The following DGKH variants were observed in gnomAD, a reference collection of about 807,000 sequenced individuals.
DGKH encodes DAG kinase eta.
Under a neutral mutation model 159.3 loss-of-function variants are expected in DGKH, and 90 were observed. The observed-to-expected ratio is 0.57, with a 90% CI of 0.48 to 0.67. DGKH has a LOEUF of 0.67. Among genes scored for constraint, DGKH ranks in the 30% least tolerant of loss-of-function variants. The pLI is 0.00. For synonymous variants in DGKH, 536 were observed against 553.8 expected (o/e 0.97, Z 0.45); for missense variants, 1,181 against 1,506.1 (o/e 0.78, Z 3.57).
chr13:42,164,447 AATT>A (rs1388216913), intron 7 of DGKH, among the ~76,000 whole-genome samples: 1 of 152,198 alleles, frequency 6.6e-6, no homozygotes, highest in African/African-American at 2.4e-5. Flanking sequence ...CCAGAATTAG[AATT>A]ATTATTGAAT....
chr13:42,237,625 C>G lies in DGKH; in HGVS notation c.*8437C>G, dbSNP rs1205958480. 6.6e-6 allele frequency: 1 copy of G among 152,170 alleles called. No individual in the cohort carries two copies. The highest frequency in any genetic ancestry group is 1.5e-5 in the Non-Finnish European group (1 of 68,032). 9.4% of individuals were successfully genotyped at this position (152,170 alleles called of 1,614,324 possible). A position where few individuals can be genotyped will look rare whatever the true frequency, so the allele number is the denominator to read the frequency against. ...GTCCGAGACTGTATCTAGATCTTAG[C>G]ATAACTAGTGAATTCAGGGAGCACA... On this transcript the variant is annotated 3_prime_UTR_variant, in exon 30 of 30. Transcript: ENST00000337343.
At chr13:42,253,134 C>G (rs1449830264) in intron 30 of DGKH, among the ~76,000 whole-genome samples, 1 of 152,138 alleles carries the variant, frequency 6.6e-6, no homozygotes, top group Non-Finnish European at 1.5e-5. Context: ...TCTGGTTCAC[C>G]TTTATGCTGA....
downstream of DGKH, among the ~76,000 whole-genome samples, chr13:42,247,621 G>A (rs1958591909): frequency 6.6e-6 from 1 of 152,176 alleles, no homozygotes; most frequent in African/African-American, 2.4e-5. Flanking sequence ...GTTCCTTCAG[G>A]AGGCATTGTT....
At position 42,048,675 on chromosome 13, in the gene DGKH, G is replaced by C. The variant is rs1224636450; in HGVS notation, c.-99G>C. The stretch of plus-strand genomic sequence containing the variant: ...GAAACGGAAGATGGCGGCGGCGGCC[G>C]GGCACGGGGTTCCGGGCTCCGCTCG... On this transcript the variant is annotated 5_prime_UTR_variant, in exon 1 of 30. Transcript: ENST00000337343. This position sits in a 1 kb window ranked among gnomAD's most constrained non-coding sequence, Gnocchi z 6.7. 1 of 1,207,656 alleles carries C rather than the reference G, an allele frequency of 8.3e-7. No individual in the cohort carries two copies. The highest frequency in any genetic ancestry group is 1.6e-5 in the African/African-American group (1 of 63,372). The allele number at this position is 1,207,656 out of a possible 1,614,324, so 74.8% of individuals were successfully genotyped here.
At chr13:42,072,251 A>G (rs1883023683) in intron 1 of DGKH, among the ~76,000 whole-genome samples, 1 of 152,190 alleles carries the variant, frequency 6.6e-6, no homozygotes, top group Admixed American at 6.5e-5. Context: ...GTTTTGAGAA[A>G]GGCCTGGTCT....
chr13:42,179,396 G>A (rs1378093633), intron 13 of DGKH, among the ~76,000 whole-genome samples: 3 of 152,196 alleles, frequency 2.0e-5, no homozygotes. Context: ...AATTTTTCTT[G>A]TAAAGGAGAA....
rs956662591 is a variant in DGKH at position 42,183,591 on chromosome 13, C to T, written c.1539-3458C>T. Among the ~76,000 whole-genome samples, 4 of 152,156 alleles carry T rather than the reference C, an allele frequency of 2.6e-5. No homozygotes were observed. The South Asian group carries it at 8.3e-4, about 31-fold the overall frequency. On this transcript the variant is annotated intron_variant, in intron 13 of 29. Transcript: ENST00000337343. Reference sequence around the variant, plus strand: ...TTCATGCAATAATAATTCCCAGTAGCCTTAACTGTTTTCAGCTATTTTTAA... The same window carrying T: ...TTCATGCAATAATAATTCCCAGTAGTCTTAACTGTTTTCAGCTATTTTTAA...
chr13:42,205,069 GAATT>G (rs1957430978), intron 20 of DGKH, among the ~76,000 whole-genome samples: 1 of 152,094 alleles, frequency 6.6e-6, no homozygotes, highest in African/African-American at 2.4e-5. Flanking sequence ...TTTAATATAA[GAATT>G]ATTTAATGAA....
chr13:42,248,617 T>C (rs1047804865), intron 29 of DGKH, among the ~76,000 whole-genome samples: 3 of 147,720 alleles, frequency 2.0e-5, no homozygotes, highest in Non-Finnish European at 4.5e-5. Context: ...ATATAATACA[T>C]AATATATATT....
intron 1 of DGKH, among the ~76,000 whole-genome samples, chr13:42,051,081 TA>T (rs1881256922): frequency 6.6e-6 from 1 of 152,252 alleles, no homozygotes; most frequent in Non-Finnish European, 1.5e-5. Flanking sequence ...GCTAAGATTA[TA>T]TGCTTATGGA....
rs747800365 is a variant in DGKH at position 42,239,565 on chromosome 13, G to T, written c.*10377G>T. Reference sequence around the variant, plus strand: ...TGTGTTTCTCATTAGTTGCAGTAAAGTGTTGATTTCATTGCTGCCTTTCAG... The same window carrying T: ...TGTGTTTCTCATTAGTTGCAGTAAATTGTTGATTTCATTGCTGCCTTTCAG... On this transcript the variant is annotated 3_prime_UTR_variant, in exon 30 of 30. Transcript: ENST00000337343. 3 of 152,536 alleles carry T rather than the reference G, an allele frequency of 2.0e-5. No individual in the cohort carries two copies. The highest frequency in any genetic ancestry group is 6.5e-5 in the Admixed American group (1 of 15,270). 9.4% of individuals were successfully genotyped at this position (152,536 alleles called of 1,614,324 possible).
At chr13:42,162,871 T>C (rs1956221387) in intron 7 of DGKH, among the ~76,000 whole-genome samples, 1 of 151,822 alleles carries the variant, frequency 6.6e-6, no homozygotes, top group Non-Finnish European at 1.5e-5. Context: ...TTTTTTTAAT[T>C]ATTATTATAC....
At chr13:42,228,703 TAAAG>T (rs66491429) in intron 29 of DGKH, among the ~76,000 whole-genome samples, 119,932 of 150,156 alleles carry the variant, frequency 0.8, 47,999 homozygotes, top group East Asian at 0.92. Context: ...AGAGATGAAA[TAAAG>T]AAAGAAAGAA....
chr13:42,212,516 A>G (rs546706661), intron 24 of DGKH, among the ~76,000 whole-genome samples: 1 of 152,288 alleles, frequency 6.6e-6, no homozygotes, highest in South Asian at 2.1e-4. Flanking sequence ...ACCAAAATAT[A>G]CTTCCCATGT....
Position 42,221,316 on chromosome 13 carries a change from G to C in DGKH, c.3495G>C (p.Leu1165Phe), listed in dbSNP as rs1240079593. The change falls in exon 29 of 30, where the codon TTG (leucine) becomes TTC (phenylalanine). Residue 1165 changes from leucine to phenylalanine, a missense_variant. Physicochemically the swap from Leu to Phe is conservative, Grantham distance 22. This residue lies in a region of DGKH where 84 missense variants were observed against 77.9 expected (regional missense o/e 1.08). Coordinates refer to ENST00000337343, the MANE Select transcript of DGKH (RefSeq NM_178009.5). Reference protein sequence around the residue: ...EVAAWLDLLNLGEYKDIFIRH... With the variant: ...EVAAWLDLLNFGEYKDIFIRH... Reference sequence around the variant, plus strand: ...CTGCTTGGCTGGATCTGCTCAATTTGGGAGAGTACAAAGATATCTTCATCC... The same window carrying C: ...CTGCTTGGCTGGATCTGCTCAATTTCGGAGAGTACAAAGATATCTTCATCC... The C allele has an allele frequency of 1.9e-6, 3 of 1,613,726 alleles. No individual in the cohort carries two copies. Among genetic ancestry groups the C allele is most frequent in the African/African-American group, 2.7e-5 (2 of 75,016 alleles).
intron 20 of DGKH, among the ~76,000 whole-genome samples, chr13:42,202,617 A>G (rs1957374554): frequency 6.6e-6 from 1 of 152,248 alleles, no homozygotes; most frequent in Non-Finnish European, 1.5e-5. Flanking sequence ...TGAATGGGAA[A>G]GAACTGTACA....
intron 1 of DGKH, among the ~76,000 whole-genome samples, chr13:42,098,003 A>T (rs1300373282): frequency 6.6e-6 from 1 of 152,118 alleles, no homozygotes; most frequent in African/African-American, 2.4e-5. Flanking sequence ...CATCTGCTTT[A>T]TATCTTACAA....
At chr13:42,081,288 G>A (rs907780278) in intron 1 of DGKH, among the ~76,000 whole-genome samples, 4 of 151,740 alleles carry the variant, frequency 2.6e-5, no homozygotes, top group African/African-American at 4.8e-5. Flanking sequence ...GGAGTGCAGC[G>A]GCACGATGTT....
At chr13:42,122,371 T>C (rs941283874) in intron 1 of DGKH, among the ~76,000 whole-genome samples, 2 of 152,180 alleles carry the variant, frequency 1.3e-5, no homozygotes, top group Admixed American at 6.5e-5. Flanking sequence ...GCTGGGCATC[T>C]GGTGAGAGCC....
Sources: allele counts gnomAD v4.1 joint callset (sites outside exome capture counted in the v4.1 genomes callset), GRCh38; gene constraint gnomAD v4.1.1; regional missense constraint gnomAD v4.1.1; non-coding constraint Gnocchi (gnomAD v3.1); transcripts MANE v1.5; gene names NCBI Gene and HGNC (gene_info 2026-07-23, HGNC 2026-07-21).